The following CAST variants were observed in gnomAD, a reference collection of about 807,000 sequenced individuals.
CAST encodes calpastatin, also known as MIR583 host.
Under a neutral mutation model 119.6 loss-of-function variants are expected in CAST, and 76 were observed. The observed-to-expected ratio is 0.64, with a 90% CI of 0.53 to 0.77. The LOEUF (loss-of-function observed/expected upper bound fraction) is 0.77. Ranked by LOEUF, CAST falls within the 30% of genes least tolerant of loss-of-function variation. The pLI, the probability that CAST is intolerant of heterozygous loss-of-function variation, is 0.00. For synonymous variants in CAST, 319 were observed against 331.6 expected (o/e 0.96, Z 0.41); for missense variants, 953 against 946.5 (o/e 1.01, Z -0.09).
chr5:96,663,645 G>GA (rs1748906909), intron 1 of CAST, among the ~76,000 whole-genome samples: 1 of 152,134 alleles, frequency 6.6e-6, no homozygotes, highest in South Asian at 2.1e-4. Flanking sequence ...GAGGCAAGGA[G>GA]AAAATCCCAA....
chr5:96,725,149 G>A (rs1482365873), intron 4 of CAST, among the ~76,000 whole-genome samples: 1 of 152,156 alleles, frequency 6.6e-6, no homozygotes, highest in African/African-American at 2.4e-5. Context: ...TAAGATGCAC[G>A]TAATGAAGTG....
the CAST span, among the ~76,000 whole-genome samples, chr5:96,239,254 T>C: frequency 1.3e-5 from 2 of 152,200 alleles, no homozygotes; most frequent in Admixed American, 6.5e-5. Flanking sequence ...GTCATTTAAA[T>C]AGTACCTGGT....
the CAST span, among the ~76,000 whole-genome samples, chr5:96,402,258 C>T: frequency 7.2e-5 from 11 of 152,218 alleles, no homozygotes; most frequent in African/African-American, 2.7e-4. Flanking sequence ...AAAGGTCTTA[C>T]CTGGCACGAC....
At chr5:96,426,796 G>A in the CAST span, among the ~76,000 whole-genome samples, 1 of 152,124 alleles carries the variant, frequency 6.6e-6, no homozygotes, top group African/African-American at 2.4e-5. Flanking sequence ...GAGTACTCAT[G>A]AATCAGCTCC....
At chr5:96,065,681 G>A in the CAST span, among the ~76,000 whole-genome samples, 1 of 152,132 alleles carries the variant, frequency 6.6e-6, no homozygotes, top group Non-Finnish European at 1.5e-5. Context: ...AAAGTGGGTT[G>A]TCCTCCACCC....
chr5:96,432,199 GAA>G, the CAST span: 1 of 1,394,220 alleles, frequency 7.2e-7, no homozygotes, highest in Non-Finnish European at 9.8e-7. Flanking sequence ...AGTTCCCAGT[GAA>G]AAGCCGGAGC....
chr5:96,071,201 G>A, the CAST span, among the ~76,000 whole-genome samples: 6 of 151,376 alleles, frequency 4.0e-5, no homozygotes, highest in South Asian at 2.1e-4. Context: ...CTCAGTCCCC[G>A]CAGTGTCCCT....
the CAST span, among the ~76,000 whole-genome samples, chr5:96,124,801 A>G: frequency 6.6e-6 from 1 of 152,210 alleles, no homozygotes; most frequent in East Asian, 1.9e-4. Context: ...AGTGGTAACA[A>G]AACAATGAAA....
chr5:95,987,218 C>T, the CAST span, among the ~76,000 whole-genome samples: 1 of 152,136 alleles, frequency 6.6e-6, no homozygotes, highest in Non-Finnish European at 1.5e-5. Flanking sequence ...TGTGACCTCA[C>T]CTTAGCTTAG....
chr5:96,108,928 G>A, the CAST span, among the ~76,000 whole-genome samples: 1 of 152,272 alleles, frequency 6.6e-6, no homozygotes, highest in African/African-American at 2.4e-5. Flanking sequence ...ATCTCCTGGT[G>A]CACCGTTTTT....
chr5:96,084,152 A>G, the CAST span, among the ~76,000 whole-genome samples: 2 of 152,226 alleles, frequency 1.3e-5, no homozygotes, highest in Non-Finnish European at 2.9e-5. Flanking sequence ...AGCTAATGAC[A>G]TATGGCTGAC....
At chr5:96,041,821 T>C in the CAST span, among the ~76,000 whole-genome samples, 1 of 152,186 alleles carries the variant, frequency 6.6e-6, no homozygotes, top group African/African-American at 2.4e-5. Context: ...GTACCCATTT[T>C]ACTGATTTTC....
intron 1 of CAST, among the ~76,000 whole-genome samples, chr5:96,576,686 A>AT (rs373775767): frequency 4.0e-5 from 6 of 151,564 alleles, no homozygotes; most frequent in Non-Finnish European, 7.4e-5. Flanking sequence ...TTATGAATTC[A>AT]TTTTTTTTAA....
chr5:96,413,116 C>G, the CAST span: 1 of 183,506 alleles, frequency 5.4e-6, no homozygotes, highest in Admixed American at 6.5e-5. Flanking sequence ...TAAAAATAAC[C>G]CAGAGGCCAT....
chr5:96,061,913 A>T, the CAST span, among the ~76,000 whole-genome samples: 6 of 152,148 alleles, frequency 3.9e-5, no homozygotes, highest in Non-Finnish European at 7.4e-5. Context: ...AACCGAGTGG[A>T]CAGAATGACT....
upstream of CAST, among the ~76,000 whole-genome samples, chr5:96,526,941 G>T (rs1266790780): frequency 6.6e-6 from 1 of 152,146 alleles, no homozygotes; most frequent in Non-Finnish European, 1.5e-5. Flanking sequence ...AAATGGGGGT[G>T]GGAGTGGCAG....
In CAST at chr5:96,757,686, AG is replaced by A. The variant is rs763623686; in HGVS notation, c.1833+33del. The A allele has an allele frequency of 8.2e-6, 10 of 1,220,226 alleles. No homozygotes were observed. The African/African-American group carries it at 1.4e-4, about 18-fold the overall frequency. The allele number at this position is 1,220,226 out of a possible 1,614,324, so 75.6% of individuals were successfully genotyped here. On this transcript the variant is annotated intron_variant, in intron 24 of 31. Coordinates refer to ENST00000675179, the MANE Select transcript of CAST (RefSeq NM_001750.7). ...CCAAAACTCTTGGTTTTATTTCTTTAGTTTTTTTTTTTTTTTTCCTTTGAGA... is the reference window on the plus strand; with the variant it reads ...CCAAAACTCTTGGTTTTATTTCTTTATTTTTTTTTTTTTTTTCCTTTGAGA...
the CAST span, among the ~76,000 whole-genome samples, chr5:96,234,466 C>T: frequency 6.6e-6 from 1 of 152,156 alleles, no homozygotes; most frequent in African/African-American, 2.4e-5. Flanking sequence ...CATACTAAAT[C>T]AGGTCAACCA....
At position 96,750,679 on chromosome 5, in the gene CAST, C is replaced by G. The variant is rs1480288301; in HGVS notation, c.1521C>G (p.Thr507=). The G allele has an allele frequency of 6.2e-7, 1 of 1,607,496 alleles. No individual in the cohort carries two copies. Among genetic ancestry groups the G allele is most frequent in the African/African-American group, 1.3e-5 (1 of 74,856 alleles). ...AGTCAGCACCCCCTGAGCCGGCTAC[C>G]TTGGTGAGTGACTCCCTGGGCATTT... ...SIQSAPPEPA[T]LKGTVPDDAV... is the part of the protein sequence containing the mutation. The change falls in exon 20 of 32, where the codon ACC becomes ACG. Residue 507 remains threonine, a synonymous_variant. Coordinates refer to ENST00000675179, the MANE Select transcript of CAST (RefSeq NM_001750.7).
Sources: allele counts gnomAD v4.1 joint callset (sites outside exome capture counted in the v4.1 genomes callset), GRCh38; gene constraint gnomAD v4.1.1; transcripts MANE v1.5; gene names NCBI Gene and HGNC (gene_info 2026-07-23, HGNC 2026-07-21).